Variants in ADAMTSL1 observed in about 807,000 individuals in gnomAD.
ADAMTSL1 encodes the protein ADAMTS like 1.
Under a neutral mutation model 201.8 loss-of-function variants are expected in ADAMTSL1, and 126 were observed. That is an observed-to-expected ratio of 0.62 (90% CI 0.54 to 0.72). The LOEUF is 0.72. Among genes scored for constraint, ADAMTSL1 ranks in the 30% least tolerant of loss-of-function variants. The pLI, the probability that ADAMTSL1 is intolerant of heterozygous loss-of-function variation, is 0.00. For missense variants in ADAMTSL1, 2,679 were observed against 2,277.8 expected, an observed-to-expected ratio of 1.18 and a Z score of -3.59; for synonymous variants, 1,121 against 903.4, an observed-to-expected ratio of 1.24 and a Z score of -4.32.
chr9:18,626,839 T>TTCTTTCTTTCCTTCTTTC (rs757449217), intron 5 of ADAMTSL1, among the ~76,000 whole-genome samples: 1 of 133,260 alleles, frequency 7.5e-6, no homozygotes, highest in African/African-American at 2.9e-5. Flanking sequence ...CTTACTTTCT[T>TTCTTTCTTTCCTTCTTTC]TTTCTTTCTT....
intron 14 of ADAMTSL1, among the ~76,000 whole-genome samples, chr9:18,720,766 T>C (rs1043507590): frequency 4.6e-5 from 7 of 151,966 alleles, no homozygotes; most frequent in Admixed American, 4.6e-4. Flanking sequence ...CTGGGCAAGA[T>C]TCTGTCTTGA....
chr9:18,397,338 T>C (rs1817795208), intron 2 of ADAMTSL1, among the ~76,000 whole-genome samples: 1 of 152,142 alleles, frequency 6.6e-6, no homozygotes, highest in Non-Finnish European at 1.5e-5. Flanking sequence ...GAACACATTC[T>C]CTGAGCTTTA....
chr9:18,098,823 A>T (rs771267656), intron 1 of ADAMTSL1, among the ~76,000 whole-genome samples: 2 of 152,276 alleles, frequency 1.3e-5, no homozygotes, highest in Middle Eastern at 3.4e-3. Flanking sequence ...TTGTAATCTC[A>T]TCAGGACCAC....
At chr9:18,470,728 T>C (rs17206286), upstream of ADAMTSL1, among the ~76,000 whole-genome samples, 12,132 of 152,286 alleles carry the variant, frequency 0.08, 655 homozygotes, top group Non-Finnish European at 0.12. Context: ...TTTCCTCCCA[T>C]AAAGCACACT....
chr9:18,531,165 A>G (rs1212970132), intron 2 of ADAMTSL1, among the ~76,000 whole-genome samples: 3 of 152,210 alleles, frequency 2.0e-5, no homozygotes, highest in African/African-American at 7.2e-5. Flanking sequence ...ATTAATTTAC[A>G]GCAAATAACA....
At chr9:17,940,453 GTTGT>G (rs1236926947) in intron 1 of ADAMTSL1, among the ~76,000 whole-genome samples, 6 of 152,002 alleles carry the variant, frequency 3.9e-5, no homozygotes, top group African/African-American at 1.2e-4. Context: ...ACTAGGAGAA[GTTGT>G]TTGTATGAAT....
intron 1 of ADAMTSL1, among the ~76,000 whole-genome samples, chr9:17,927,484 T>C (rs539138310): frequency 6.6e-6 from 1 of 151,702 alleles, no homozygotes; most frequent in Admixed American, 6.6e-5. Flanking sequence ...TATATAAATG[T>C]ATATTGATAT....
intron 17 of ADAMTSL1, 30 bp downstream of exon 17, chr9:18,770,811 G>A (rs974170912): frequency 6.2e-7 from 1 of 1,603,766 alleles, no homozygotes; most frequent in African/African-American, 1.3e-5. Flanking sequence ...GAGAATGAAA[G>A]AGATCCAAGT....
At chr9:18,820,995 G>C (rs1824175385) in intron 21 of ADAMTSL1, among the ~76,000 whole-genome samples, 2 of 152,220 alleles carry the variant, frequency 1.3e-5, no homozygotes, top group African/African-American at 4.8e-5. Context: ...AGAGAAGAAA[G>C]TAGCATATGA....
chr9:18,028,578 C>T (rs1027028692), intron 1 of ADAMTSL1, among the ~76,000 whole-genome samples: 5 of 151,884 alleles, frequency 3.3e-5, no homozygotes, highest in South Asian at 2.1e-4. Flanking sequence ...TGTATATATG[C>T]GGCATTATTT....
intron 1 of ADAMTSL1, among the ~76,000 whole-genome samples, chr9:18,497,474 T>C (rs754996694): frequency 3.3e-5 from 5 of 152,152 alleles, no homozygotes; most frequent in African/African-American, 7.2e-5. Flanking sequence ...GACAGGCTAT[T>C]TCTAGTAGAA....
intron 2 of ADAMTSL1, among the ~76,000 whole-genome samples, chr9:18,314,761 A>G (rs947109398): frequency 5.2e-5 from 7 of 134,664 alleles, no homozygotes; most frequent in Non-Finnish European, 1.1e-4. Flanking sequence ...GTGGGTTGCC[A>G]CTGCTGCCTT....
intron 1 of ADAMTSL1, among the ~76,000 whole-genome samples, chr9:18,008,171 A>T (rs1270213165): frequency 1.3e-5 from 2 of 151,944 alleles, no homozygotes; most frequent in Non-Finnish European, 2.9e-5. Flanking sequence ...TTGCTGAGGC[A>T]ATTTACTCCT....
Position 18,718,263 on chromosome 9 carries a change from G to A in ADAMTSL1, c.1877-3273G>A, listed in dbSNP as rs1180910847. 3 of 758,422 alleles carry A rather than the reference G, an allele frequency of 4.0e-6. No individual in the cohort carries two copies. The African/African-American group carries it at 5.1e-5, about 13-fold the overall frequency. The allele number at this position is 758,422 out of a possible 1,614,324, so 47.0% of individuals were successfully genotyped here. A position where few individuals can be genotyped will look rare whatever the true frequency, so the allele number is the denominator to read the frequency against. ...TCTCAAGTCTTGCAAATCATTAAAT[G>A]TGGACTGTGCTTTGATGGAATAAAC... is the stretch of plus-strand genomic sequence containing the variant. On this transcript the variant is annotated intron_variant, in intron 14 of 28. Transcript: ENST00000380548.
At chr9:18,292,563 A>G (rs747316029) in intron 2 of ADAMTSL1, among the ~76,000 whole-genome samples, 8 of 152,124 alleles carry the variant, frequency 5.3e-5, no homozygotes, top group Non-Finnish European at 1.2e-4. Flanking sequence ...CTGGGTGGGC[A>G]CCATCTAATC....
At chr9:18,591,048 G>A (rs1178995668) in intron 4 of ADAMTSL1, among the ~76,000 whole-genome samples, 1 of 152,124 alleles carries the variant, frequency 6.6e-6, no homozygotes, top group African/African-American at 2.4e-5. Flanking sequence ...ACACCATTTG[G>A]TCTAGAATAT....
At chr9:18,667,742 A>G (rs910937099) in intron 9 of ADAMTSL1, among the ~76,000 whole-genome samples, 1 of 152,312 alleles carries the variant, frequency 6.6e-6, no homozygotes, top group South Asian at 2.1e-4. Flanking sequence ...TAAGCTCTCC[A>G]GAAATCAGCT....
chr9:18,802,907 G>A (rs1291126553), intron 20 of ADAMTSL1, among the ~76,000 whole-genome samples: 1 of 152,172 alleles, frequency 6.6e-6, no homozygotes, highest in Non-Finnish European at 1.5e-5. Flanking sequence ...AGCCTCATGA[G>A]CGTGAAGTAG....
intron 2 of ADAMTSL1, among the ~76,000 whole-genome samples, chr9:18,202,425 A>C (rs1829488036): frequency 2.0e-5 from 3 of 152,192 alleles, no homozygotes; most frequent in Non-Finnish European, 4.4e-5. Context: ...TCTTCAGTGG[A>C]GCTGGTACAT....
Sources: gnomAD v4.1 joint callset for allele counts (sites outside exome capture counted in the v4.1 genomes callset) on GRCh38, gnomAD v4.1.1 for gene constraint, MANE v1.5 for transcripts, NCBI Gene and HGNC (gene_info 2026-07-23, HGNC 2026-07-21) for gene names.